Variants in TNRC6C observed in about 807,000 individuals in gnomAD.
The protein encoded by TNRC6C is trinucleotide repeat-containing gene 6C protein.
In TNRC6C, 20 loss-of-function variants were observed where a neutral mutation model predicts 153.7. The ratio of observed to expected loss-of-function variants is 0.13; its 90% CI spans 0.09 to 0.19. TNRC6C has a LOEUF of 0.19. Among genes scored for constraint, TNRC6C ranks in the 10% least tolerant of loss-of-function variants. The pLI is 1.00. For missense variants in TNRC6C, 1,987 were observed against 2,172.0 expected, an observed-to-expected ratio of 0.91 and a Z score of 1.69; for synonymous variants, 811 against 841.4, an observed-to-expected ratio of 0.96 and a Z score of 0.63.
exon 7 of TNRC6C, chr17:78,073,085 C>A (rs774640682): frequency 6.4e-7 from 1 of 1,556,166 alleles, no homozygotes; most frequent in South Asian, 1.2e-5. Flanking sequence ...GAATCTTGAT[C>A]AGGCCATGAG....
At chr17:78,098,712 G>A (rs1039544256) in intron 17 of TNRC6C, among the ~76,000 whole-genome samples, 175 bp downstream of exon 20, 10 of 152,330 alleles carry the variant, frequency 6.6e-5, no homozygotes, top group Non-Finnish European at 1.0e-4. Context: ...AGCTGGGTGA[G>A]CCTGGTGTTT....
chr17:78,051,106 G>C (rs1333955203), exon 3 of TNRC6C: 1 of 1,590,208 alleles, frequency 6.3e-7, no homozygotes, highest in Non-Finnish European at 8.6e-7. Flanking sequence ...CTGGGGAGGA[G>C]CTGCTTCTGT....
At chr17:78,106,994 T>C (rs1231950368) in exon 20 of TNRC6C, 12 of 152,050 alleles carry the variant, frequency 7.9e-5, no homozygotes. Context: ...TCAAGTTTAG[T>C]AGGATATTTA....
At chr17:78,037,949 C>T (rs1227651690) in intron 2 of TNRC6C, among the ~76,000 whole-genome samples, 1 of 152,190 alleles carries the variant, frequency 6.6e-6, no homozygotes, top group East Asian at 1.9e-4. Flanking sequence ...GGAGTAAACA[C>T]AGATCCAGGA....
At chr17:78,103,349 T>C in intron 18 of TNRC6C, 65 bp from the exon 22 acceptor site, 3 of 1,585,536 alleles carry the variant, frequency 1.9e-6, no homozygotes, top group South Asian at 1.1e-5. Context: ...CGTTTTTTCT[T>C]TGGAAGGCTG....
intron 2 of TNRC6C, 78 bp from the exon 5 acceptor site, chr17:78,048,767 C>T: frequency 8.3e-7 from 1 of 1,207,926 alleles, no homozygotes; most frequent in African/African-American, 1.6e-5. Flanking sequence ...AAAGAGCTTC[C>T]CCAAAGACTA....
intron 1 of TNRC6C, among the ~76,000 whole-genome samples, chr17:77,972,331 G>A (rs2070946005): frequency 2.6e-5 from 4 of 152,028 alleles, no homozygotes; most frequent in Admixed American, 2.6e-4. Flanking sequence ...TGGCCAACAT[G>A]GTGAAACCCC....
intron 13 of TNRC6C, among the ~76,000 whole-genome samples, chr17:78,087,570 T>A (rs922805046): frequency 6.6e-6 from 1 of 152,212 alleles, no homozygotes; most frequent in Non-Finnish European, 1.5e-5. Context: ...CCAAAGTTTG[T>A]TCTGTTCCTA....
rs2073064390 is a variant in TNRC6C, at chr17:78,075,246, T to C, written c.3028T>C (p.Ser1010Pro). 2 of 1,602,074 alleles carry C rather than the reference T, an allele frequency of 1.2e-6. No homozygotes were observed. Among genetic ancestry groups the C allele is most frequent in the Non-Finnish European group, 1.7e-6 (2 of 1,174,254 alleles). ...CTGCCGCCCGCCAATCTCCAAAGAG[T>C]CTTCCGTGGACCGCCCCACCTTTCT... is the stretch of plus-strand genomic sequence containing the variant. The change falls in exon 8 of 20, where the codon TCT becomes CCT. Residue 1010 changes from serine to proline, a missense_variant. Physicochemically the swap from Ser to Pro is moderately conservative, Grantham distance 74. Coordinates refer to ENST00000301624, the Ensembl canonical transcript of TNRC6C. The surrounding 1 kb of genome is among the most constrained non-coding windows in gnomAD (Gnocchi z 4.2).
chr17:78,041,910 C>G (rs1401353508), intron 2 of TNRC6C, among the ~76,000 whole-genome samples: 4 of 152,302 alleles, frequency 2.6e-5, no homozygotes, highest in Admixed American at 6.5e-5. Flanking sequence ...AGTGTTAGTA[C>G]CAGTACAGCA....
chr17:78,066,282 T>C (rs1222814195), intron 4 of TNRC6C: 1 of 152,186 alleles, frequency 6.6e-6, no homozygotes, highest in Non-Finnish European at 1.5e-5. Flanking sequence ...CATCTTTTCT[T>C]TGGACATTAT....
chr17:78,036,499 T>C (rs951095841), intron 2 of TNRC6C, among the ~76,000 whole-genome samples: 2 of 152,026 alleles, frequency 1.3e-5, no homozygotes, highest in Non-Finnish European at 1.5e-5. Flanking sequence ...AATTAAACAA[T>C]AGAGGAGCAG....
intron 1 of TNRC6C, among the ~76,000 whole-genome samples, chr17:77,968,634 T>A (rs1172702103): frequency 2.6e-5 from 4 of 152,116 alleles, no homozygotes; most frequent in Admixed American, 6.5e-5. Flanking sequence ...TGAGCCACCG[T>A]GCCCGGCCCG....
At chr17:78,087,120 C>A (rs1277941778) in intron 13 of TNRC6C, 27 bp downstream of exon 15, 13 of 1,609,100 alleles carry the variant, frequency 8.1e-6, no homozygotes, top group African/African-American at 1.3e-5. Context: ...CTTCAACAGC[C>A]ACATCAGGTA....
intron 3 of TNRC6C, among the ~76,000 whole-genome samples, chr17:78,056,462 AACT>A (rs767316473): frequency 4.0e-4 from 60 of 148,774 alleles, no homozygotes; most frequent in Non-Finnish European, 6.0e-4. Context: ...CCGGCCCAGA[AACT>A]ACTTTTTTTT....
chr17:78,014,710 C>T (rs966429379), intron 1 of TNRC6C, among the ~76,000 whole-genome samples: 12 of 150,844 alleles, frequency 8.0e-5, no homozygotes, highest in Non-Finnish European at 1.2e-4. Context: ...TACCTCTGAA[C>T]GGCATTTCTC....
chr17:78,019,656 A>T (rs2071795903), intron 1 of TNRC6C, among the ~76,000 whole-genome samples: 1 of 152,230 alleles, frequency 6.6e-6, no homozygotes, highest in Non-Finnish European at 1.5e-5. Flanking sequence ...TTTTAAAATT[A>T]TATATGTAGT....
upstream of TNRC6C, among the ~76,000 whole-genome samples, chr17:78,001,602 T>G (rs1318967452): frequency 6.6e-6 from 1 of 152,214 alleles, no homozygotes; most frequent in Non-Finnish European, 1.5e-5. Flanking sequence ...CCTCCTTCCC[T>G]GCAAGTATTG....
Position 78,075,344 on chromosome 17 carries a change from T to C in TNRC6C, c.3060+66T>C, listed in dbSNP as rs113078112. On this transcript the variant is annotated intron_variant, in intron 8 of 19. Transcript: ENST00000301624. This position sits in a 1 kb window ranked among gnomAD's most constrained non-coding sequence, Gnocchi z 4.2. ...AGAGGAGTTTTTCATTTCAACTGTG[T>C]CCTTAATACAAGCCAGATTAAAAAC... is the stretch of plus-strand genomic sequence containing the variant. The C allele has an allele frequency of 6.6e-6, 10 of 1,520,988 alleles. No homozygotes were observed. The African/African-American group carries it at 8.3e-5, about 13-fold the overall frequency. The allele number at this position is 1,520,988 out of a possible 1,614,324, so 94.2% of individuals were successfully genotyped here.
Sources: gnomAD v4.1 joint callset for allele counts (sites outside exome capture counted in the v4.1 genomes callset) on GRCh38, gnomAD v4.1.1 for gene constraint, Gnocchi (gnomAD v3.1) non-coding constraint, MANE v1.5 for transcripts, NCBI Gene and HGNC (gene_info 2026-07-23, HGNC 2026-07-21) for gene names.